ADCY10: variants seen among roughly 807,000 people sequenced by gnomAD.
The protein encoded by ADCY10 is adenylate cyclase type 10.
ADCY10 carries 156 observed loss-of-function variants against 183.3 expected under a neutral mutation model. That is an observed-to-expected ratio of 0.85 (90% CI 0.75 to 0.97). The LOEUF (loss-of-function observed/expected upper bound fraction) is 0.97. ADCY10 is among the 50% of genes least tolerant of loss of function. The pLI, the probability that ADCY10 is intolerant of heterozygous loss-of-function variation, is 0.00. For synonymous variants in ADCY10, 645 were observed against 670.0 expected, an observed-to-expected ratio of 0.96 and a Z score of 0.58; for missense variants, 1,745 against 1,934.3, an observed-to-expected ratio of 0.90 and a Z score of 1.84.
In ADCY10 at chr1:167,845,864, CA is replaced by C; in HGVS notation, c.2717-12del. ...CCTCTTCACCGTGATCTGGAGAGAG[CA>C]AAAAGGGTTTTTCAGCCAGGCAGTG... On this transcript the variant is annotated splice_polypyrimidine_tract_variant and intron_variant, in intron 20 of 32. Coordinates refer to ENST00000367851, the MANE Select transcript of ADCY10 (RefSeq NM_018417.6). The C allele has an allele frequency of 1.9e-6, 3 of 1,613,994 alleles. No individual in the cohort carries two copies. In the African/African-American group the frequency reaches 4.0e-5, roughly 22 times the overall value.
chr1:167,821,096 G>T (rs551828180), intron 30 of ADCY10: 4 of 152,128 alleles, frequency 2.6e-5, no homozygotes, highest in African/African-American at 9.7e-5. Flanking sequence ...ATAATAGGGG[G>T]CGATTTTCAG....
At chr1:167,861,110 A>T (rs747969828) in intron 14 of ADCY10, 47 bp from the exon 15 acceptor site, 46 of 1,505,176 alleles carry the variant, frequency 3.1e-5, no homozygotes, top group Non-Finnish European at 3.8e-5. Context: ...TTAAATATAT[A>T]TTTTTGAAAA....
chr1:167,879,919 T>C (rs948070353), intron 11 of ADCY10, among the ~76,000 whole-genome samples, 196 bp downstream of exon 11: 1 of 152,212 alleles, frequency 6.6e-6, no homozygotes, highest in Non-Finnish European at 1.5e-5. Flanking sequence ...TACATATTTC[T>C]CTACTCATAC....
In ADCY10 at chr1:167,856,320, C is replaced by T. The variant is rs772191758; in HGVS notation, c.2016G>A (p.Leu672=). The change falls in exon 17 of 33, where the codon CTG becomes CTA. Residue 672 remains leucine (L), a synonymous_variant. Transcript: ENST00000367851. ...CACAGGGAATGTTAACGAAGGGACACAGGGACATAATGATGAAGATAGGAA... is the reference window on the plus strand; with the variant it reads ...CACAGGGAATGTTAACGAAGGGACATAGGGACATAATGATGAAGATAGGAA... ...RTLPIFIIMS[L]CPFVNIPCAA... 6.2e-7 allele frequency: 1 copy of T among 1,614,094 alleles called. No individual in the cohort carries two copies. Among genetic ancestry groups the T allele is most frequent in the Non-Finnish European group, 8.5e-7 (1 of 1,180,020 alleles).
chr1:167,845,945 G>A (rs1206631612), intron 20 of ADCY10, 40 bp downstream of exon 20: 3 of 1,614,128 alleles, frequency 1.9e-6, no homozygotes, highest in Non-Finnish European at 2.5e-6. Flanking sequence ...ATCTAGATGG[G>A]TCCTTAAGAG....
Position 167,845,816 on chromosome 1 carries a change from A to G in ADCY10, c.2754T>C (p.Asn918=). 6.2e-7 allele frequency: 1 copy of G among 1,614,156 alleles called. No individual in the cohort carries two copies. Among genetic ancestry groups the G allele is most frequent in the Non-Finnish European group, 8.5e-7 (1 of 1,180,036 alleles). ...GEEEQLRELE[N]EVIECHRIRF... Reference sequence around the variant, plus strand: ...GAATCCTGTGGCACTCGATCACCTCATTCTCCAGTTCACGAAGCTGTTCCT... The same window carrying G: ...GAATCCTGTGGCACTCGATCACCTCGTTCTCCAGTTCACGAAGCTGTTCCT... The change falls in exon 21 of 33, where the codon AAT becomes AAC. Residue 918 remains asparagine, a synonymous_variant. Coordinates refer to ENST00000367851, the MANE Select transcript of ADCY10 (RefSeq NM_018417.6).
chr1:167,845,657 G>T lies in ADCY10; in HGVS notation c.2913C>A (p.Asp971Glu). Residue 971 changes from aspartate (D) to glutamate (E), a missense_variant, in exon 21 of 33, where the codon GAC becomes GAA. Coordinates refer to ENST00000367851, the MANE Select transcript of ADCY10 (RefSeq NM_018417.6). ...AHRCDHCRGR[D>E]FIPYHHFTVN... is the part of the protein sequence containing the mutation. ...CTGTGAAGTGATGATAGGGAATGAA[G>T]TCCCTGCCTCGGCAGTGGTCACATC... 1 of 1,614,246 alleles carries T rather than the reference G, an allele frequency of 6.2e-7. No homozygotes were observed. Among genetic ancestry groups the T allele is most frequent in the Non-Finnish European group, 8.5e-7 (1 of 1,180,020 alleles).
chr1:167,833,274 T>C, intron 24 of ADCY10, 112 bp from the exon 25 acceptor site: 1 of 1,027,000 alleles, frequency 9.7e-7, no homozygotes, highest in Middle Eastern at 2.2e-4. Flanking sequence ...AGGTAATTTA[T>C]GGACCAGAAA....
chr1:167,870,824 CT>C (rs1033115421), intron 13 of ADCY10, among the ~76,000 whole-genome samples: 6 of 148,204 alleles, frequency 4.0e-5, no homozygotes, highest in Non-Finnish European at 8.9e-5. Context: ...AAAAAAAAAA[CT>C]TGGAATTTCC....
chr1:167,867,929 G>GC (rs976013893), intron 14 of ADCY10, among the ~76,000 whole-genome samples: 1 of 152,132 alleles, frequency 6.6e-6, no homozygotes, highest in Non-Finnish European at 1.5e-5. Flanking sequence ...GGAGAAGGCA[G>GC]CCCCTCCTGT....
In ADCY10 at chr1:167,899,491, T is replaced by A. The variant is rs1239977511; in HGVS notation, c.574A>T (p.Asn192Tyr). 3.1e-6 allele frequency: 5 copies of A among 1,614,196 alleles called. No individual in the cohort carries two copies. Among genetic ancestry groups the A allele is most frequent in the Non-Finnish European group, 4.2e-6 (5 of 1,180,038 alleles). ...AQMNDVILSP[N>Y]CWQLCDRSMI... ...CTCCGGTCACAGAGCTGCCAGCAGT[T>A]TGGTGACAGAATAACATCATTCATC... Residue 192 changes from asparagine to tyrosine, a missense_variant, in exon 6 of 33, where the codon AAC (asparagine) becomes TAC (tyrosine). Physicochemically the swap from Asn to Tyr is moderately radical, Grantham distance 143 (BLOSUM62 -2). Coordinates refer to ENST00000367851, the MANE Select transcript of ADCY10 (RefSeq NM_018417.6).
rs1469922292 is a variant in ADCY10 at position 167,824,758 on chromosome 1, A to G, written c.3848T>C (p.Phe1283Ser). The change falls in exon 27 of 33, where the codon TTC becomes TCC. Residue 1283 changes from phenylalanine to serine, a missense_variant. Transcript: ENST00000367851. ...KYEVMAMEHI[F>S]NLPLKGEGIE... ...GCCCTCGCCTTTCAGGGGGAGGTTG[A>G]AGATGTGCTCCATGGCCATGACTTC... 6.2e-7 allele frequency: 1 copy of G among 1,614,218 alleles called. No individual in the cohort carries two copies. Among genetic ancestry groups the G allele is most frequent in the East Asian group, 2.2e-5 (1 of 44,890 alleles).
At chr1:167,908,399 G>T (rs1669947996) in intron 1 of ADCY10, among the ~76,000 whole-genome samples, 1 of 152,114 alleles carries the variant, frequency 6.6e-6, no homozygotes, top group South Asian at 2.1e-4. Flanking sequence ...TGAGGCTGGG[G>T]TTGGGTGGGT....
chr1:167,905,061 C>A lies in ADCY10; in HGVS notation c.80G>T (p.Gly27Val). Residue 27 changes from glycine to valine, a missense_variant, in exon 2 of 33, where the codon GGA (glycine) becomes GTA (valine). Coordinates refer to ENST00000367851, the MANE Select transcript of ADCY10 (RefSeq NM_018417.6). ...AAHLPDLIVY[G>V]HFSPERPFMD... ...AAAGGGTCGCTCTGGGGAGAAATGT[C>A]CATAGACAATGAGGTCTGGTAAATG... 1 of 1,614,182 alleles carries A rather than the reference C, an allele frequency of 6.2e-7. No homozygotes were observed. Among genetic ancestry groups the A allele is most frequent in the Non-Finnish European group, 8.5e-7 (1 of 1,180,036 alleles).
intron 32 of ADCY10, among the ~76,000 whole-genome samples, chr1:167,810,246 A>C (rs780598871): frequency 1.6e-4 from 25 of 152,178 alleles, no homozygotes; most frequent in Non-Finnish European, 2.8e-4. Context: ...GGGGAAGAGG[A>C]AGCTCACAAT....
intron 13 of ADCY10, among the ~76,000 whole-genome samples, chr1:167,872,067 A>C (rs1667142264): frequency 6.6e-6 from 1 of 151,934 alleles, no homozygotes; most frequent in African/African-American, 2.4e-5. Context: ...CCAGGCTGGG[A>C]GCGGTGGCTC....
chr1:167,845,563 T>C lies in ADCY10; in HGVS notation c.3007A>G (p.Thr1003Ala). 6.2e-7 allele frequency: 1 copy of C among 1,614,168 alleles called. No homozygotes were observed. The highest frequency in any genetic ancestry group is 1.1e-5 in the South Asian group (1 of 91,082). The change falls in exon 21 of 33, where the codon ACT becomes GCT. Residue 1003 changes from threonine to alanine, a missense_variant and splice_region_variant. Transcript: ENST00000367851. ...KKMAMSHGFKTEEKLILSNSE... is the reference protein window; with the variant it reads ...KKMAMSHGFKAEEKLILSNSE... ...ATAATTTTAAAATGAAGTAGGTTACTTTTAAATCCATGAGACATAGCCATC... is the reference window on the plus strand; with the variant it reads ...ATAATTTTAAAATGAAGTAGGTTACCTTTAAATCCATGAGACATAGCCATC...
rs758754659 is a variant in ADCY10, at chr1:167,829,394, T to G, written c.3623A>C (p.Gln1208Pro). The change falls in exon 26 of 33, where the codon CAA (glutamine) becomes CCA (proline). Residue 1208 changes from glutamine to proline, a missense_variant. Gln to Pro is a moderately conservative substitution (Grantham distance 76, BLOSUM62 -1). Coordinates refer to ENST00000367851, the MANE Select transcript of ADCY10 (RefSeq NM_018417.6). ...GKKRLAQLYR[Q>P]TVCLSLLWRI... ...CCACAGCAAGGAAAGGCAGACAGTT[T>G]GCCGGTAAAGTTGTGCCAGCCTCTT... 1 of 1,614,180 alleles carries G rather than the reference T, an allele frequency of 6.2e-7. No homozygotes were observed. Among genetic ancestry groups the G allele is most frequent in the African/African-American group, 1.3e-5 (1 of 75,058 alleles).
intron 8 of ADCY10, among the ~76,000 whole-genome samples, chr1:167,892,027 G>T (rs1420545456): frequency 1.3e-5 from 2 of 150,046 alleles, no homozygotes; most frequent in Non-Finnish European, 3.0e-5. Flanking sequence ...AGGCTGGAGT[G>T]CAGTGGAGCA....
Sources: allele counts gnomAD v4.1 joint callset (sites outside exome capture counted in the v4.1 genomes callset), GRCh38; gene constraint gnomAD v4.1.1; transcripts MANE v1.5; gene names NCBI Gene and HGNC (gene_info 2026-07-23, HGNC 2026-07-21).